The following NEDD4 variants were observed in gnomAD, a reference collection of about 807,000 sequenced individuals.
NEDD4 encodes the protein E3 ubiquitin-protein ligase NEDD4.
In NEDD4, 99 loss-of-function variants were observed where a neutral mutation model predicts 144.9. The ratio of observed to expected loss-of-function variants is 0.68; its 90% CI spans 0.58 to 0.81. The LOEUF (loss-of-function observed/expected upper bound fraction) is 0.81. NEDD4 is among the 30% of genes least tolerant of loss of function. NEDD4 has a pLI of 0.00. For synonymous variants in NEDD4, 318 were observed against 350.6 expected (o/e 0.91, Z 1.04); for missense variants, 985 against 1,065.9 (o/e 0.92, Z 1.06).
At chr15:55,980,212 C>G (rs1445144832) in intron 1 of NEDD4, among the ~76,000 whole-genome samples, 1 of 152,190 alleles carries the variant, frequency 6.6e-6, no homozygotes, top group Admixed American at 6.5e-5. Context: ...GGATTTCAGG[C>G]GTGAGCCACT....
intron 5 of NEDD4, among the ~76,000 whole-genome samples, chr15:55,882,131 T>C (rs1248902526): frequency 6.6e-6 from 1 of 152,122 alleles, no homozygotes; most frequent in African/African-American, 2.4e-5. Flanking sequence ...GAAAACCAAA[T>C]AGAAGCCTCC....
Position 55,840,040 on chromosome 15 carries a change from AT to A in NEDD4, c.2031+406del, listed in dbSNP as rs1367596020. 3.5e-3 allele frequency among the ~76,000 whole-genome samples: 336 copies of A among 94,768 alleles called. 6 individuals carry two copies. Among genetic ancestry groups the A allele is most frequent in the Non-Finnish European group, 6.3e-3 (282 of 44,552 alleles). The allele number at this position is 94,768 out of a possible 152,430, so 62.2% of individuals were successfully genotyped here. On this transcript the variant is annotated intron_variant, in intron 21 of 28. Transcript: ENST00000435532. ...TATATATATATATATATATATATATATAACATTCATCATAAAAGATCATAAT... is the reference window on the plus strand; with the variant it reads ...TATATATATATATATATATATATATAAACATTCATCATAAAAGATCATAAT...
intron 1 of NEDD4, among the ~76,000 whole-genome samples, chr15:55,973,398 C>A (rs548701005): frequency 2.0e-5 from 3 of 151,232 alleles, no homozygotes; most frequent in African/African-American, 7.4e-5. Context: ...AAAACAACAA[C>A]AAAAAAACAG....
intron 5 of NEDD4, among the ~76,000 whole-genome samples, chr15:55,880,929 AC>A (rs2035168549): frequency 6.6e-6 from 1 of 152,080 alleles, no homozygotes; most frequent in Non-Finnish European, 1.5e-5. Context: ...ATATAATGAA[AC>A]CCCTGCTCCC....
intron 5 of NEDD4, among the ~76,000 whole-genome samples, chr15:55,885,190 A>G (rs78095626): frequency 0.019 from 2,892 of 152,318 alleles, 105 homozygotes; most frequent in African/African-American, 0.066. Context: ...CTACAATAGT[A>G]TATCTGGCGA....
At chr15:55,856,905 G>C (rs1276739612) in intron 11 of NEDD4, among the ~76,000 whole-genome samples, 2 of 152,104 alleles carry the variant, frequency 1.3e-5, no homozygotes, top group Admixed American at 6.6e-5. Flanking sequence ...AATTGAATCA[G>C]AATATCCACT....
At chr15:55,992,482 A>G (rs34841076) in intron 1 of NEDD4, among the ~76,000 whole-genome samples, 8,109 of 152,318 alleles carry the variant, frequency 0.053, 271 homozygotes, top group East Asian at 0.16. Flanking sequence ...AGCAGTATAA[A>G]TTAGGTTGAT....
chr15:55,914,735 T>C (rs1056168343), intron 5 of NEDD4, among the ~76,000 whole-genome samples: 2 of 151,994 alleles, frequency 1.3e-5, no homozygotes, highest in African/African-American at 2.4e-5. Context: ...TGAATGATCT[T>C]ATAAACACAT....
At chr15:55,956,412 G>A (rs377175991) in intron 2 of NEDD4, among the ~76,000 whole-genome samples, 1 of 151,850 alleles carries the variant, frequency 6.6e-6, no homozygotes, top group East Asian at 1.9e-4. Flanking sequence ...TTTTTCCTAT[G>A]TGTTCCTATA....
intron 5 of NEDD4, among the ~76,000 whole-genome samples, chr15:55,904,141 A>G (rs1595822972): frequency 6.6e-6 from 1 of 152,202 alleles, no homozygotes; most frequent in East Asian, 1.9e-4. Context: ...CAGGGACAAG[A>G]GCAAGACTGC....
intron 2 of NEDD4, chr15:55,952,825 C>T (rs1346292359): frequency 6.6e-6 from 1 of 152,126 alleles, no homozygotes; most frequent in African/African-American, 2.4e-5. Context: ...CTCCTCCTCC[C>T]CTTGACTTTC....
At chr15:55,842,219 C>A (rs2033546704) in intron 18 of NEDD4, 56 bp from the exon 19 acceptor site, 3 of 1,417,284 alleles carry the variant, frequency 2.1e-6, no homozygotes, top group South Asian at 1.2e-5. Context: ...AATAACAAAC[C>A]CATCTCTCAT....
At chr15:55,955,452 T>C (rs2037320083) in intron 2 of NEDD4, among the ~76,000 whole-genome samples, 1 of 152,182 alleles carries the variant, frequency 6.6e-6, no homozygotes, top group Admixed American at 6.6e-5. Flanking sequence ...TGTTAATTAT[T>C]AACTTCCATT....
intron 24 of NEDD4, 38 bp downstream of exon 24, chr15:55,837,751 G>A: frequency 6.7e-7 from 1 of 1,499,910 alleles, no homozygotes; most frequent in Non-Finnish European, 9.3e-7. Flanking sequence ...AGGTTATACT[G>A]TGACATTATG....
chr15:55,929,543 G>A (rs1408220759), intron 4 of NEDD4, among the ~76,000 whole-genome samples: 1 of 152,068 alleles, frequency 6.6e-6, no homozygotes, highest in Admixed American at 6.6e-5. Context: ...GTATCCATGT[G>A]TACTCACGTT....
At chr15:55,895,461 A>G (rs1337008250) in intron 5 of NEDD4, among the ~76,000 whole-genome samples, 1 of 152,224 alleles carries the variant, frequency 6.6e-6, no homozygotes, top group African/African-American at 2.4e-5. Context: ...GTGAATTTTA[A>G]AACAGATAAA....
At position 55,850,749 on chromosome 15, in the gene NEDD4, C is replaced by G; in HGVS notation, c.1147-7G>C. On this transcript the variant is annotated splice_region_variant and splice_polypyrimidine_tract_variant and intron_variant, in intron 13 of 28. Transcript: ENST00000435532. ...GACTGGTCTCCACTGTGGCCTAGCA[C>G]ATTAATGAAATCATATTGTAATATT... The G allele has an allele frequency of 6.2e-7, 1 of 1,608,000 alleles. No individual in the cohort carries two copies. Among genetic ancestry groups the G allele is most frequent in the Non-Finnish European group, 8.5e-7 (1 of 1,178,066 alleles).
chr15:55,850,469 A>C, intron 14 of NEDD4, 73 bp downstream of exon 14: 1 of 1,418,968 alleles, frequency 7.0e-7, no homozygotes, highest in East Asian at 2.3e-5. Context: ...TACATACTTA[A>C]AGATTTTAAG....
In NEDD4 at chr15:55,982,109, G is replaced by GGCTGAAACTTCAAATGTT. The variant is rs2037813424; in HGVS notation, c.45+11384_45+11401dup. Among the ~76,000 whole-genome samples, 3 of 152,142 alleles carry GGCTGAAACTTCAAATGTT rather than the reference G, an allele frequency of 2.0e-5. No individual in the cohort carries two copies. The South Asian group carries it at 6.2e-4, about 31-fold the overall frequency. On this transcript the variant is annotated intron_variant, in intron 1 of 28. Transcript: ENST00000435532. ...GAGACAGGAGTAGGAGGAGGGCTTTGGCTGAAACTTCAAATGTTGCTGAAA... is the reference window on the plus strand; with the variant it reads ...GAGACAGGAGTAGGAGGAGGGCTTTGGCTGAAACTTCAAATGTTGCTGAAACTTCAAATGTTGCTGAAA...
Sources: gnomAD v4.1 joint callset for allele counts (sites outside exome capture counted in the v4.1 genomes callset) on GRCh38, gnomAD v4.1.1 for gene constraint, MANE v1.5 for transcripts, NCBI Gene and HGNC (gene_info 2026-07-23, HGNC 2026-07-21) for gene names.